SPATC1L: variants seen among roughly 807,000 people sequenced by gnomAD.
The protein encoded by SPATC1L is speriolin-like protein.
SPATC1L carries 20 observed loss-of-function variants against 21.2 expected under a neutral mutation model. The ratio of observed to expected loss-of-function variants is 0.94; its 90% CI spans 0.66 to 1.37. The LOEUF (loss-of-function observed/expected upper bound fraction) is 1.37. Among genes scored for constraint, SPATC1L ranks in the 40% most tolerant of loss-of-function variants. The pLI is 0.00. For missense variants in SPATC1L, 499 were observed against 478.7 expected (o/e 1.04, Z -0.40); for synonymous variants, 290 against 234.5 (o/e 1.24, Z -2.16).
Position 46,163,199 on chromosome 21 carries a change from T to G in SPATC1L, c.545-1132A>C, listed in dbSNP as rs151035031. Among the ~76,000 whole-genome samples, 303 of 152,360 alleles carry G rather than the reference T, an allele frequency of 2.0e-3. 4 individuals are homozygous for G. The highest frequency in any genetic ancestry group is 0.011 in the East Asian group (56 of 5,188). On this transcript the variant is annotated intron_variant, in intron 3 of 4. Coordinates refer to ENST00000291672, the MANE Select transcript of SPATC1L (RefSeq NM_001142854.2). ...GATTGTTTGTCTTCTTACTGTTGAA[T>G]TGTCAGAGTTCTTAAATATTCTGCA...
chr21:46,182,942 C>T lies in SPATC1L; in HGVS notation c.-126G>A. ...CCGTAGCCACCACCGCCTTCCACGC[C>T]TTGTGATGTCACTGCCCTAGTGATG... On this transcript the variant is annotated 5_prime_UTR_variant, in exon 2 of 5. Transcript: ENST00000291672. 1 of 980,972 alleles carries T rather than the reference C, an allele frequency of 1.0e-6. No individual in the cohort carries two copies. The highest frequency in any genetic ancestry group is 1.4e-6 in the Non-Finnish European group (1 of 692,306). The allele number at this position is 980,972 out of a possible 1,614,324, so 60.8% of individuals were successfully genotyped here.
chr21:46,167,860 C>G (rs1210341116), intron 3 of SPATC1L, among the ~76,000 whole-genome samples: 1 of 152,204 alleles, frequency 6.6e-6, no homozygotes, highest in East Asian at 1.9e-4. Context: ...GAACAACACA[C>G]AGGAGAGAAT....
intron 2 of SPATC1L, among the ~76,000 whole-genome samples, chr21:46,181,205 C>T (rs1023776380): frequency 6.6e-5 from 10 of 152,218 alleles, no homozygotes; most frequent in Admixed American, 4.6e-4. Context: ...GTGCTGTGAA[C>T]GGGACCCTGC....
At chr21:46,180,228 T>C (rs1193546828) in intron 2 of SPATC1L, among the ~76,000 whole-genome samples, 2 of 152,146 alleles carry the variant, frequency 1.3e-5, no homozygotes, top group Non-Finnish European at 2.9e-5. Flanking sequence ...AGATAAGGAC[T>C]GGTGGGGAAT....
intron 2 of SPATC1L, among the ~76,000 whole-genome samples, chr21:46,172,479 C>A (rs1174678957): frequency 6.6e-6 from 1 of 152,230 alleles, no homozygotes; most frequent in Non-Finnish European, 1.5e-5. Flanking sequence ...AAAATAAGAA[C>A]AGGAAGGACT....
At chr21:46,166,104 G>A (rs1410156571) in intron 3 of SPATC1L, among the ~76,000 whole-genome samples, 1 of 152,184 alleles carries the variant, frequency 6.6e-6, no homozygotes, top group African/African-American at 2.4e-5. Context: ...AGTAGCTCAT[G>A]CCTGTAATCC....
chr21:46,166,622 G>C (rs2123624597), intron 3 of SPATC1L, among the ~76,000 whole-genome samples: 1 of 152,258 alleles, frequency 6.6e-6, no homozygotes. Context: ...AAAAAGAGCA[G>C]TAGCAGCCAT....
At chr21:46,174,975 C>T (rs982948602) in intron 2 of SPATC1L, among the ~76,000 whole-genome samples, 6 of 152,256 alleles carry the variant, frequency 3.9e-5, no homozygotes, top group East Asian at 1.9e-4. Context: ...CAGACGACAA[C>T]GGACCCAGTT....
chr21:46,180,243 C>A (rs8134429), intron 2 of SPATC1L, among the ~76,000 whole-genome samples: 1 of 152,060 alleles, frequency 6.6e-6, no homozygotes, highest in Non-Finnish European at 1.5e-5. Flanking sequence ...GGGAATGCCG[C>A]GAAATGGATC....
chr21:46,171,121 G>T (rs150593494), intron 2 of SPATC1L, among the ~76,000 whole-genome samples: 19 of 152,328 alleles, frequency 1.2e-4, no homozygotes, highest in African/African-American at 4.3e-4. Flanking sequence ...GAGGGTCCAT[G>T]CCCACCAACA....
intron 2 of SPATC1L, among the ~76,000 whole-genome samples, chr21:46,179,285 C>G (rs771471377): frequency 6.6e-6 from 1 of 151,970 alleles, no homozygotes; most frequent in Admixed American, 6.5e-5. Flanking sequence ...GTGGCTCACA[C>G]CTGTAATCCC....
intron 3 of SPATC1L, among the ~76,000 whole-genome samples, chr21:46,165,711 C>CCCT (rs1479444448): frequency 6.6e-6 from 1 of 152,086 alleles, no homozygotes; most frequent in Non-Finnish European, 1.5e-5. Context: ...GGAGTCCTTT[C>CCCT]CCTCCTCCTA....
At chr21:46,179,075 C>CAA (rs1221584346) in intron 2 of SPATC1L, among the ~76,000 whole-genome samples, 3 of 91,656 alleles carry the variant, frequency 3.3e-5, no homozygotes, top group Non-Finnish European at 4.7e-5. Context: ...CCTGTCTCTA[C>CAA]AAAAAAAAAA....
chr21:46,162,092 A>G (rs1362076552), intron 3 of SPATC1L, 25 bp from the exon 4 acceptor site: 1 of 1,545,032 alleles, frequency 6.5e-7, no homozygotes, highest in Admixed American at 1.9e-5. Flanking sequence ...GCCGGGGACA[A>G]GGTCAGGGGA....
chr21:46,182,822 G>A lies in SPATC1L; in HGVS notation c.-6C>T, dbSNP rs1015470987. 3.3e-6 allele frequency: 5 copies of A among 1,526,460 alleles called. No homozygotes were observed. The African/African-American group carries it at 4.1e-5, about 13-fold the overall frequency. The allele number at this position is 1,526,460 out of a possible 1,614,324, so 94.6% of individuals were successfully genotyped here. On this transcript the variant is annotated 5_prime_UTR_variant, in exon 2 of 5. Coordinates refer to ENST00000291672, the MANE Select transcript of SPATC1L (RefSeq NM_001142854.2). ...AGCTCGCCGCCTTCAGCCATGGCGG[G>A]TGCGTCCCTCCTTGTCCCTCACGGC...
chr21:46,174,903 A>T (rs1045204778), intron 2 of SPATC1L, among the ~76,000 whole-genome samples: 1 of 152,258 alleles, frequency 6.6e-6, no homozygotes, highest in African/African-American at 2.4e-5. Context: ...TCAATCACAT[A>T]ATTGGAAGTA....
chr21:46,179,099 C>T (rs55976226), intron 2 of SPATC1L, among the ~76,000 whole-genome samples: 46,190 of 150,742 alleles, frequency 0.31, 9,384 homozygotes, highest in African/African-American at 0.57. Context: ...AAATTTTTAA[C>T]TAGCCGCTCA....
At chr21:46,179,274 G>A (rs908700984) in intron 2 of SPATC1L, among the ~76,000 whole-genome samples, 5 of 151,760 alleles carry the variant, frequency 3.3e-5, no homozygotes, top group East Asian at 3.9e-4. Flanking sequence ...GGCCAGGCAC[G>A]GTGGCTCACA....
rs2079695820 is a variant in SPATC1L, at chr21:46,183,464, C to CCAGCTTGT, written c.-649_-648insACAAGCTG. 6 of 138,100 alleles carry CCAGCTTGT rather than the reference C, an allele frequency of 4.3e-5. No homozygotes were observed. The highest frequency in any genetic ancestry group is 1.8e-4 in the African/African-American group (5 of 27,784). The allele number at this position is 138,100 out of a possible 1,614,324, so 8.6% of individuals were successfully genotyped here. ...CCAGCTTGTGGGGGAGACCAGTCTG[C>CCAGCTTGT]GGGGGAGACCAGCCTGGGGAGGAGA... is the stretch of plus-strand genomic sequence containing the variant. On this transcript the variant is annotated 5_prime_UTR_variant, in exon 2 of 5. Transcript: ENST00000291672.
Sources: allele counts gnomAD v4.1 joint callset (sites outside exome capture counted in the v4.1 genomes callset), GRCh38; gene constraint gnomAD v4.1.1; transcripts MANE v1.5; gene names NCBI Gene and HGNC (gene_info 2026-07-23, HGNC 2026-07-21).